Variants in SFMBT2 observed in about 807,000 individuals in gnomAD.
The protein encoded by SFMBT2 is scm-like with four MBT domains protein 2.
A neutral mutation model predicts 110.1 loss-of-function variants in SFMBT2; 38 were observed. The observed-to-expected ratio is 0.35, with a 90% CI of 0.27 to 0.45. The LOEUF is 0.45. SFMBT2 is among the 20% of genes least tolerant of loss of function. The probability of loss-of-function intolerance (pLI) is 1.00; values close to 1 mark genes in which losing one functional copy is unlikely to be tolerated. For synonymous variants in SFMBT2, 425 were observed against 425.4 expected, an observed-to-expected ratio of 1.00 and a Z score of 0.01; for missense variants, 1,011 against 1,094.9, an observed-to-expected ratio of 0.92 and a Z score of 1.08.
chr10:7,284,645 T>A, intron 5 of SFMBT2: 1 of 252,390 alleles, frequency 4.0e-6, no homozygotes, highest in Non-Finnish European at 6.3e-6. Context: ...GCTCTCATAC[T>A]TTGATTATGT....
intron 6 of SFMBT2, among the ~76,000 whole-genome samples, chr10:7,279,072 C>T (rs1196262262): frequency 7.3e-6 from 1 of 136,898 alleles, no homozygotes; most frequent in African/African-American, 2.6e-5. Context: ...CTGCACTGCA[C>T]TTCATCTCCA....
At chr10:7,381,532 A>T (rs1166181088) in intron 2 of SFMBT2, among the ~76,000 whole-genome samples, 5 of 152,154 alleles carry the variant, frequency 3.3e-5, no homozygotes, top group African/African-American at 1.2e-4. Context: ...TGCTACGGTG[A>T]TTTGTAGACG....
chr10:7,203,276 T>C lies in SFMBT2; in HGVS notation c.1445-754A>G, dbSNP rs1056091067. The C allele has an allele frequency of 5.6e-5, 11 of 198,140 alleles. No individual in the cohort carries two copies. The East Asian group carries it at 1.5e-3, about 27-fold the overall frequency. 12.3% of individuals were successfully genotyped at this position (198,140 alleles called of 1,614,324 possible). A position where few individuals can be genotyped will look rare whatever the true frequency, so the allele number is the denominator to read the frequency against. ...TGCAAGAAATGCAAGCAAAAATAAA[T>C]AAGAAAAATACTCAATAAGATCCCG... On this transcript the variant is annotated intron_variant, in intron 12 of 20. Coordinates refer to ENST00000397167, the MANE Select transcript of SFMBT2 (RefSeq NM_001387889.1).
At chr10:7,328,380 G>A (rs752607089) in intron 4 of SFMBT2, among the ~76,000 whole-genome samples, 4 of 152,074 alleles carry the variant, frequency 2.6e-5, no homozygotes, top group African/African-American at 4.8e-5. Flanking sequence ...GCTTTGTCAG[G>A]TATGTGATTT....
At chr10:7,390,959 G>T (rs1374066361) in intron 1 of SFMBT2, among the ~76,000 whole-genome samples, 1 of 151,932 alleles carries the variant, frequency 6.6e-6, no homozygotes. Context: ...AATTAGCAGG[G>T]CTTGGTGGCA....
rs948349593 is a variant in SFMBT2 at position 7,170,207 on chromosome 10, T to C, written c.2544+721A>G. On this transcript the variant is annotated intron_variant, in intron 20 of 20. Transcript: ENST00000397167. This position sits in a 1 kb window ranked among gnomAD's most constrained non-coding sequence, Gnocchi z 4.6. The stretch of plus-strand genomic sequence containing the variant: ...AGCACAGTGCTGAGCTCTCTGGTTG[T>C]TGTGGTTGCTGTTTGTGTGTGAGCT... Among the ~76,000 whole-genome samples the C allele has an allele frequency of 2.6e-5, 4 of 152,134 alleles. No homozygotes were observed. Among genetic ancestry groups the C allele is most frequent in the Non-Finnish European group, 4.4e-5 (3 of 68,016 alleles).
In SFMBT2 at chr10:7,342,396, C is replaced by CTTTTTTTTTTTTT. The variant is rs71382101; in HGVS notation, c.436+25240_436+25252dup. ...ATTTAGGAATTGCACTGGAGTGAGT[C>CTTTTTTTTTTTTT]TTTTTTTTTTTTTTTTTTTTTTTTT... On this transcript the variant is annotated intron_variant, in intron 4 of 20. Transcript: ENST00000397167. Among the ~76,000 whole-genome samples the CTTTTTTTTTTTTT allele has an allele frequency of 2.4e-4, 17 of 69,664 alleles. 2 individuals carry two copies. The highest frequency in any genetic ancestry group is 3.2e-4 in the African/African-American group (6 of 18,860). The allele number at this position is 69,664 out of a possible 152,430, so 45.7% of individuals were successfully genotyped here.
At chr10:7,269,789 G>A (rs1343800633) in intron 7 of SFMBT2, among the ~76,000 whole-genome samples, 1 of 149,196 alleles carries the variant, frequency 6.7e-6, no homozygotes, top group African/African-American at 2.5e-5. Context: ...AAAGAATACT[G>A]CTTGCTAGAA....
chr10:7,363,201 A>C (rs1263241836), intron 4 of SFMBT2, among the ~76,000 whole-genome samples: 1 of 152,000 alleles, frequency 6.6e-6, no homozygotes, highest in East Asian at 1.9e-4. Flanking sequence ...GTCTCAAGAG[A>C]TCTGATGGTT....
intron 9 of SFMBT2, among the ~76,000 whole-genome samples, chr10:7,228,663 C>A (rs1371044669): frequency 2.0e-5 from 3 of 151,264 alleles, no homozygotes; most frequent in African/African-American, 4.9e-5. Context: ...ACAGATCCTA[C>A]TAAAGTGGCT....
intron 1 of SFMBT2, among the ~76,000 whole-genome samples, chr10:7,388,326 GGAT>G (rs113666945): frequency 0.08 from 11,691 of 146,034 alleles, 514 homozygotes; most frequent in African/African-American, 0.1. Context: ...AAACAAAGAA[GGAT>G]GATGATGATG....
rs1837501086 is a variant in SFMBT2, at chr10:7,159,716, CA to C, written c.*4053del. 6.6e-6 allele frequency: 1 copy of C among 152,158 alleles called. No individual in the cohort carries two copies. The highest frequency in any genetic ancestry group is 2.4e-5 in the African/African-American group (1 of 41,438). The allele number at this position is 152,158 out of a possible 1,614,324, so 9.4% of individuals were successfully genotyped here. On this transcript the variant is annotated 3_prime_UTR_variant, in exon 21 of 21. Coordinates refer to ENST00000397167, the MANE Select transcript of SFMBT2 (RefSeq NM_001387889.1). ...TTGATTCGCCATCTCAATCCAAAAGCAGCAAAGATGCTCAAACCACAACAAA... is the reference window on the plus strand; with the variant it reads ...TTGATTCGCCATCTCAATCCAAAAGCGCAAAGATGCTCAAACCACAACAAA...
intron 1 of SFMBT2, among the ~76,000 whole-genome samples, chr10:7,385,571 C>T (rs1845570764): frequency 6.6e-6 from 1 of 152,062 alleles, no homozygotes; most frequent in African/African-American, 2.4e-5. Flanking sequence ...TATGACGGAG[C>T]CCCAAAAACA....
At chr10:7,208,848 G>A (rs1029615965) in intron 11 of SFMBT2, among the ~76,000 whole-genome samples, 12 of 152,150 alleles carry the variant, frequency 7.9e-5, no homozygotes, top group East Asian at 1.9e-4. Context: ...TGCTAGGGCC[G>A]TCTTTACCAT....
chr10:7,171,065 A>T lies in SFMBT2; in HGVS notation c.2416-9T>A, dbSNP rs773558275. 13 of 1,613,986 alleles carry T rather than the reference A, an allele frequency of 8.1e-6. No individual in the cohort carries two copies. In the East Asian group the frequency reaches 2.9e-4, roughly 36 times the overall value. On this transcript the variant is annotated splice_polypyrimidine_tract_variant and intron_variant, in intron 19 of 20. Coordinates refer to ENST00000397167, the MANE Select transcript of SFMBT2 (RefSeq NM_001387889.1). This position sits in a 1 kb window ranked among gnomAD's most constrained non-coding sequence, Gnocchi z 4.9. ...TCCTCCTGTTTCGTGTCCTGCAGAG[A>T]AAGGGCAGGAGGAGCTCAGCTGCGG...
intron 1 of SFMBT2, among the ~76,000 whole-genome samples, chr10:7,399,096 T>C (rs748047073): frequency 1.3e-5 from 2 of 152,154 alleles, no homozygotes; most frequent in Non-Finnish European, 2.9e-5. Flanking sequence ...AACGAAGAGA[T>C]GAAGAGTCCC....
intron 7 of SFMBT2, among the ~76,000 whole-genome samples, chr10:7,253,670 A>C (rs1182396470): frequency 6.6e-6 from 1 of 152,210 alleles, no homozygotes; most frequent in Non-Finnish European, 1.5e-5. Flanking sequence ...GCATCCAAAC[A>C]CAGGTATTTG....
chr10:7,314,273 T>C (rs1842929296), intron 4 of SFMBT2, among the ~76,000 whole-genome samples: 1 of 152,228 alleles, frequency 6.6e-6, no homozygotes, highest in Non-Finnish European at 1.5e-5. Context: ...CCAAACAGTT[T>C]TAGTTGTTTC....
chr10:7,292,829 C>G (rs1842299709), intron 4 of SFMBT2, among the ~76,000 whole-genome samples: 1 of 152,000 alleles, frequency 6.6e-6, no homozygotes, highest in Non-Finnish European at 1.5e-5. Context: ...CCCGTCTCTA[C>G]TAAAAATAGA....
Sources: gnomAD v4.1 joint callset for allele counts (sites outside exome capture counted in the v4.1 genomes callset) on GRCh38, gnomAD v4.1.1 for gene constraint, Gnocchi (gnomAD v3.1) non-coding constraint, MANE v1.5 for transcripts, NCBI Gene and HGNC (gene_info 2026-07-23, HGNC 2026-07-21) for gene names.